The following KLC1 variants were observed in gnomAD, a reference collection of about 807,000 sequenced individuals.
The protein encoded by KLC1 is kinesin 2 60/70kDa.
In KLC1, 30 loss-of-function variants were observed where a neutral mutation model predicts 84.2. The observed-to-expected ratio is 0.36, with a 90% CI of 0.27 to 0.48. The LOEUF (loss-of-function observed/expected upper bound fraction) is 0.48. Among genes scored for constraint, KLC1 ranks in the 20% least tolerant of loss-of-function variants. The probability of loss-of-function intolerance (pLI) is 0.99; values close to 1 mark genes in which losing one functional copy is unlikely to be tolerated. For missense variants in KLC1, 499 were observed against 805.4 expected, an observed-to-expected ratio of 0.62 and a Z score of 4.60; for synonymous variants, 289 against 293.3, an observed-to-expected ratio of 0.99 and a Z score of 0.15.
At chr14:103,675,797 A>G in intron 11 of KLC1, 41 bp downstream of exon 11, 1 of 1,544,792 alleles carries the variant, frequency 6.5e-7, no homozygotes. Context: ...ACCAAAAAGC[A>G]GGGGGAAGGT....
At chr14:103,696,959 C>T (rs547868821) in intron 15 of KLC1, 14 of 985,428 alleles carry the variant, frequency 1.4e-5, no homozygotes, top group Non-Finnish European at 1.7e-5. Flanking sequence ...AGCCCCTCGG[C>T]CCCTTCCCTC....
At chr14:103,685,527 C>A in intron 13 of KLC1, 8 of 1,284,848 alleles carry the variant, frequency 6.2e-6, no homozygotes, top group Non-Finnish European at 8.1e-6. Context: ...ACTCAGAAGG[C>A]TGCTGAGACT....
At chr14:103,696,926 G>C in intron 15 of KLC1, 2 of 985,318 alleles carry the variant, frequency 2.0e-6, no homozygotes, top group South Asian at 4.7e-5. Flanking sequence ...AGACTCCTGT[G>C]GTGGGAGTTC....
intron 12 of KLC1, among the ~76,000 whole-genome samples, chr14:103,678,573 C>G (rs2081112923): frequency 6.6e-6 from 1 of 151,632 alleles, no homozygotes; most frequent in African/African-American, 2.4e-5. Context: ...GCCTGTGGTC[C>G]CAGCTATTTG....
In KLC1 at chr14:103,696,232, T is replaced by C; in HGVS notation, c.1848+3807T>C. On this transcript the variant is annotated intron_variant, in intron 15 of 16. Transcript: ENST00000334553. ...GCAGCTGTGGCAGAAATCAGGCCCC[T>C]GGGGAAGTCCTGTGACATGGATGCT... 5.1e-6 allele frequency: 5 copies of C among 985,128 alleles called. No individual in the cohort carries two copies. In the South Asian group the frequency reaches 2.4e-4, roughly 46 times the overall value. The allele number at this position is 985,128 out of a possible 1,614,324, so 61.0% of individuals were successfully genotyped here. A position where few individuals can be genotyped will look rare whatever the true frequency, so the allele number is the denominator to read the frequency against.
rs148916305 is a variant in KLC1 at position 103,684,851 on chromosome 14, C to T, written c.1651-2230C>T. 60 of 661,650 alleles carry T rather than the reference C, an allele frequency of 9.1e-5. 1 individual carries two copies. In the Middle Eastern group the frequency reaches 9.8e-4, roughly 11 times the overall value. 41.0% of individuals were successfully genotyped at this position (661,650 alleles called of 1,614,324 possible). A position where few individuals can be genotyped will look rare whatever the true frequency, so the allele number is the denominator to read the frequency against. On this transcript the variant is annotated intron_variant, in intron 13 of 16. Coordinates refer to ENST00000334553, the MANE Select transcript of KLC1 (RefSeq NM_001394837.1). ...TAGCGCTGAGTTTTGAAATGAACAGCAGGGGCTGCACTGTTAATGACGATA... is the reference window on the plus strand; with the variant it reads ...TAGCGCTGAGTTTTGAAATGAACAGTAGGGGCTGCACTGTTAATGACGATA...
chr14:103,646,713 G>A (rs1394881455), intron 1 of KLC1, among the ~76,000 whole-genome samples: 2 of 151,848 alleles, frequency 1.3e-5, no homozygotes, highest in African/African-American at 4.8e-5. Context: ...GGGCTCAAAC[G>A]ATGTTTCTGC....
rs11384297 is a variant in KLC1 at position 103,691,155 on chromosome 14, C to CTTTTTTTTT, written c.1782-1193_1782-1185dup. Among the ~76,000 whole-genome samples the CTTTTTTTTT allele has an allele frequency of 1.5e-5, 2 of 129,482 alleles. 1 individual carries two copies. The allele number at this position is 129,482 out of a possible 152,430, so 84.9% of individuals were successfully genotyped here. A position where few individuals can be genotyped will look rare whatever the true frequency, so the allele number is the denominator to read the frequency against. On this transcript the variant is annotated intron_variant, in intron 14 of 16. Coordinates refer to ENST00000334553, the MANE Select transcript of KLC1 (RefSeq NM_001394837.1). ...CTCTGCTCCCAGATGGTTCCCCCCACTTTTTTTTTTTTTTTTTTTCTGAGA... is the reference window on the plus strand; with the variant it reads ...CTCTGCTCCCAGATGGTTCCCCCCACTTTTTTTTTTTTTTTTTTTTTTTTTTTTCTGAGA...
At position 103,657,664 on chromosome 14, in the gene KLC1, C is replaced by T. The variant is rs926694130; in HGVS notation, c.380C>T (p.Thr127Met). Residue 127 changes from threonine (T) to methionine (M), a missense_variant, in exon 3 of 17, where the codon ACG becomes ATG. Around this residue, in one of 3 missense-constraint regions of KLC1, gnomAD observed 179 missense variants for 264.2 expected, o/e 0.68. Coordinates refer to ENST00000334553, the MANE Select transcript of KLC1 (RefSeq NM_001394837.1). ...TGGCTACGGGATGAACTGGCCAACA[C>T]GCAGCAGAAACTGCAGAAGAGTGAG... The part of the protein sequence containing the change: ...NQWLRDELAN[T>M]QQKLQKSEQS... The T allele has an allele frequency of 3.7e-6, 6 of 1,613,936 alleles. No homozygotes were observed. Among genetic ancestry groups the T allele is most frequent in the Non-Finnish European group, 5.1e-6 (6 of 1,180,016 alleles).
intron 13 of KLC1, 70 bp downstream of exon 13, chr14:103,679,615 C>T: frequency 1.7e-6 from 2 of 1,171,992 alleles, no homozygotes; most frequent in Non-Finnish European, 2.5e-6. Flanking sequence ...GGCCTTCCTC[C>T]TGTCTCATGT....
intron 15 of KLC1, chr14:103,699,544 G>A: frequency 1.9e-6 from 3 of 1,613,462 alleles, no homozygotes; most frequent in Non-Finnish European, 2.5e-6. Context: ...GCAGTACGGG[G>A]ACCTTCTTAT....
chr14:103,646,766 T>A (rs1364059882), intron 1 of KLC1, among the ~76,000 whole-genome samples: 2 of 152,102 alleles, frequency 1.3e-5, no homozygotes, highest in African/African-American at 4.8e-5. Flanking sequence ...TGTGCCACCA[T>A]GCCTAGCTAA....
At chr14:103,674,608 T>A (rs1434442821) in intron 9 of KLC1, among the ~76,000 whole-genome samples, 2 of 151,952 alleles carry the variant, frequency 1.3e-5, no homozygotes, top group Non-Finnish European at 2.9e-5. Flanking sequence ...AGAGACAGAT[T>A]TTCACCATGT....
chr14:103,655,647 C>T (rs10145755), intron 2 of KLC1, among the ~76,000 whole-genome samples: 46,183 of 148,358 alleles, frequency 0.31, 7,585 homozygotes, highest in Middle Eastern at 0.41. Flanking sequence ...TTGCTCTCGC[C>T]GCCCAGGCTG....
intron 1 of KLC1, among the ~76,000 whole-genome samples, chr14:103,651,112 T>C (rs2403203): frequency 0.63 from 95,218 of 151,796 alleles, 30,531 homozygotes; most frequent in Non-Finnish European, 0.71. Context: ...TGAGTTCAAG[T>C]GATTCTCCTG....
intron 1 of KLC1, among the ~76,000 whole-genome samples, chr14:103,637,702 A>G (rs879923449): frequency 1.4e-4 from 22 of 152,138 alleles, no homozygotes; most frequent in Middle Eastern, 3.4e-3. Context: ...TTAAAAAAAT[A>G]TTTATGTATT....
chr14:103,664,265 C>T (rs1185567754), intron 5 of KLC1, among the ~76,000 whole-genome samples: 1 of 152,220 alleles, frequency 6.6e-6, no homozygotes, highest in Non-Finnish European at 1.5e-5. Flanking sequence ...GATTCTCCTG[C>T]TTCAGCCTCC....
At chr14:103,665,865 G>C (rs967585964) in intron 5 of KLC1, among the ~76,000 whole-genome samples, 1 of 152,228 alleles carries the variant, frequency 6.6e-6, no homozygotes, top group Non-Finnish European at 1.5e-5. Context: ...CCGCACAGGC[G>C]CCACCCTGGA....
intron 1 of KLC1, among the ~76,000 whole-genome samples, chr14:103,645,775 T>TC (rs2077872439): frequency 6.6e-6 from 1 of 151,510 alleles, no homozygotes; most frequent in Admixed American, 6.6e-5. Context: ...TTTTTTTTTT[T>TC]GAGACAGAGT....
Sources: allele counts gnomAD v4.1 joint callset (sites outside exome capture counted in the v4.1 genomes callset), GRCh38; gene constraint gnomAD v4.1.1; regional missense constraint gnomAD v4.1.1; transcripts MANE v1.5; gene names NCBI Gene and HGNC (gene_info 2026-07-23, HGNC 2026-07-21).